EPHA6: variants seen among roughly 807,000 people sequenced by gnomAD.
The protein encoded by EPHA6 is EPH receptor A6, also known as ephrin type-A receptor 6.
Under a neutral mutation model 112.0 loss-of-function variants are expected in EPHA6, and 50 were observed. The ratio of observed to expected loss-of-function variants is 0.45; its 90% confidence interval spans 0.36 to 0.56. The LOEUF is 0.56. EPHA6 is among the 20% of genes least tolerant of loss of function. The probability of loss-of-function intolerance (pLI) is 0.00; values close to 1 mark genes in which losing one functional copy is unlikely to be tolerated. For missense variants in EPHA6, 1,280 were observed against 1,417.4 expected (o/e 0.90, Z 1.56); for synonymous variants, 529 against 490.7 (o/e 1.08, Z -1.03).
chr3:97,623,527 T>C (rs2093830405), intron 13 of EPHA6, among the ~76,000 whole-genome samples: 1 of 151,738 alleles, frequency 6.6e-6, no homozygotes, highest in Non-Finnish European at 1.5e-5. Context: ...CCAAGGGTAA[T>C]GGCTTACTAT....
At chr3:96,994,732 T>TATATATAGAGAGAGAGAG (rs1170197805) in intron 3 of EPHA6, among the ~76,000 whole-genome samples, 2 of 82,214 alleles carry the variant, frequency 2.4e-5, no homozygotes, top group African/African-American at 6.4e-5. Flanking sequence ...TATATATATA[T>TATATATAGAGAGAGAGAG]AGAGAGAGAG....
chr3:96,943,918 A>G (rs2041114716), intron 2 of EPHA6, among the ~76,000 whole-genome samples: 1 of 152,216 alleles, frequency 6.6e-6, no homozygotes, highest in Non-Finnish European at 1.5e-5. Flanking sequence ...GAAATGTAAG[A>G]TGAGTTTTGC....
intron 3 of EPHA6, among the ~76,000 whole-genome samples, chr3:97,192,248 T>G (rs535089264): frequency 3.5e-4 from 54 of 152,204 alleles, no homozygotes; most frequent in African/African-American, 1.0e-3. Context: ...GCCACTCTGG[T>G]GCCTCAGCCT....
intron 5 of EPHA6, among the ~76,000 whole-genome samples, chr3:97,324,659 C>T (rs985897594): frequency 1.4e-4 from 22 of 151,856 alleles, no homozygotes. Flanking sequence ...CTGCCTCAGC[C>T]TCCTAAGTAG....
At chr3:97,721,062 C>A (rs2034505324) in intron 15 of EPHA6, among the ~76,000 whole-genome samples, 1 of 152,132 alleles carries the variant, frequency 6.6e-6, no homozygotes, top group African/African-American at 2.4e-5. Flanking sequence ...GCTGTCAGAG[C>A]TGACATTATA....
At chr3:97,208,444 T>C (rs2077771986) in intron 3 of EPHA6, among the ~76,000 whole-genome samples, 1 of 152,106 alleles carries the variant, frequency 6.6e-6, no homozygotes, top group Non-Finnish European at 1.5e-5. Flanking sequence ...ACAGCTGGAC[T>C]GTAAAAATGG....
chr3:96,889,188 C>G (rs1024117967), intron 2 of EPHA6, among the ~76,000 whole-genome samples: 15 of 152,274 alleles, frequency 9.9e-5, no homozygotes, highest in Non-Finnish European at 1.3e-4. Flanking sequence ...TTCAACAAGT[C>G]TCTAGGAAGT....
chr3:97,744,637 T>C (rs2035637131), intron 16 of EPHA6, among the ~76,000 whole-genome samples: 1 of 151,962 alleles, frequency 6.6e-6, no homozygotes. Context: ...TAGCAGATGC[T>C]TTTCAACAAG....
intron 3 of EPHA6, among the ~76,000 whole-genome samples, chr3:97,165,097 A>C (rs2076508580): frequency 6.6e-6 from 1 of 152,294 alleles, no homozygotes; most frequent in Middle Eastern, 3.4e-3. Context: ...ATATAGAGGT[A>C]GAGAAAAACT....
chr3:97,680,114 A>T (rs1053891122), intron 14 of EPHA6, among the ~76,000 whole-genome samples: 5 of 152,088 alleles, frequency 3.3e-5, no homozygotes, highest in Non-Finnish European at 5.9e-5. Flanking sequence ...GTCAATTTTG[A>T]CTTTGATTTC....
At position 96,982,647 on chromosome 3, in the gene EPHA6, C is replaced by A. The variant is rs191037271; in HGVS notation, c.451-4683C>A. ...GTCTCATTGATCTGTCTAATGTTGACAGTGGGGTGTTAAAGTCTCCCATTA... is the reference window on the plus strand; with the variant it reads ...GTCTCATTGATCTGTCTAATGTTGAAAGTGGGGTGTTAAAGTCTCCCATTA... On this transcript the variant is annotated intron_variant, in intron 2 of 17. Transcript: ENST00000389672. 3.0e-3 allele frequency among the ~76,000 whole-genome samples: 450 copies of A among 152,272 alleles called. 4 individuals carry two copies. Among genetic ancestry groups the A allele is most frequent in the African/African-American group, 9.8e-3 (407 of 41,566 alleles).
At chr3:97,169,094 T>C (rs1380250590) in intron 3 of EPHA6, among the ~76,000 whole-genome samples, 1 of 152,206 alleles carries the variant, frequency 6.6e-6, no homozygotes, top group South Asian at 2.1e-4. Flanking sequence ...TGTCTTATGC[T>C]CTCAGAATGT....
chr3:96,972,486 A>G (rs1329680397), intron 2 of EPHA6, among the ~76,000 whole-genome samples: 1 of 151,826 alleles, frequency 6.6e-6, no homozygotes, highest in Non-Finnish European at 1.5e-5. Context: ...ACAGGTAAAG[A>G]CGAAAATATG....
In EPHA6 at chr3:97,447,172, A is replaced by T. The variant is rs185185726; in HGVS notation, c.1732-1396A>T. On this transcript the variant is annotated intron_variant, in intron 6 of 17. Transcript: ENST00000389672. Reference sequence around the variant, plus strand: ...GTTTAAAAATGATCCTTAAGATAAGACTTTTTTCTGAAAAGTAGCTTAAGA... The same window carrying T: ...GTTTAAAAATGATCCTTAAGATAAGTCTTTTTTCTGAAAAGTAGCTTAAGA... 2.4e-4 allele frequency among the ~76,000 whole-genome samples: 36 copies of T among 152,276 alleles called. 1 individual carries two copies. The highest frequency in any genetic ancestry group is 5.2e-4 in the Admixed American group (8 of 15,282).
At chr3:97,393,985 A>G (rs562219764) in intron 5 of EPHA6, among the ~76,000 whole-genome samples, 1 of 151,904 alleles carries the variant, frequency 6.6e-6, no homozygotes, top group Non-Finnish European at 1.5e-5. Flanking sequence ...ATGGACAGTC[A>G]GGTTGATTCA....
At chr3:97,742,940 A>G (rs1444277350) in intron 16 of EPHA6, among the ~76,000 whole-genome samples, 1 of 152,062 alleles carries the variant, frequency 6.6e-6, no homozygotes, top group Non-Finnish European at 1.5e-5. Flanking sequence ...TCACGAGATG[A>G]GGAACTCATG....
chr3:97,704,315 G>A (rs944920533), intron 14 of EPHA6, among the ~76,000 whole-genome samples: 3 of 152,186 alleles, frequency 2.0e-5, no homozygotes, highest in African/African-American at 7.2e-5. Flanking sequence ...CATGGGTGAT[G>A]GGTGGGTATC....
At chr3:96,945,934 T>G (rs1256543559) in intron 2 of EPHA6, among the ~76,000 whole-genome samples, 1 of 152,162 alleles carries the variant, frequency 6.6e-6, no homozygotes, top group Non-Finnish European at 1.5e-5. Flanking sequence ...TGTCTACCAT[T>G]ATAGTATCAT....
chr3:97,341,694 A>T (rs2083312631), intron 5 of EPHA6, among the ~76,000 whole-genome samples: 1 of 152,174 alleles, frequency 6.6e-6, no homozygotes, highest in South Asian at 2.1e-4. Context: ...CATATATATA[A>T]AATTCATTCT....
Sources: gnomAD v4.1 joint callset for allele counts (sites outside exome capture counted in the v4.1 genomes callset) on GRCh38, gnomAD v4.1.1 for gene constraint, MANE v1.5 for transcripts, NCBI Gene and HGNC (gene_info 2026-07-23, HGNC 2026-07-21) for gene names.